The following ZNF407 variants were observed in gnomAD, a reference collection of about 807,000 sequenced individuals.
ZNF407 encodes zinc finger protein 407.
Under a neutral mutation model 131.2 loss-of-function variants are expected in ZNF407, and 17 were observed. The observed-to-expected ratio is 0.13, with a 90% CI of 0.09 to 0.19. ZNF407 has a LOEUF of 0.19. Among genes scored for constraint, ZNF407 ranks in the 10% least tolerant of loss-of-function variants. The pLI is 1.00. For synonymous variants in ZNF407, 1,156 were observed against 1,062.0 expected, an observed-to-expected ratio of 1.09 and a Z score of -1.72; for missense variants, 2,681 against 2,830.6, an observed-to-expected ratio of 0.95 and a Z score of 1.20.
At chr18:74,808,404 A>T (rs1048359528) in intron 4 of ZNF407, among the ~76,000 whole-genome samples, 3 of 152,348 alleles carry the variant, frequency 2.0e-5, no homozygotes, top group African/African-American at 2.4e-5. Flanking sequence ...ATTACTATTA[A>T]AACGATTGAA....
At chr18:74,661,374 AAAT>A (rs1172163942) in intron 3 of ZNF407, among the ~76,000 whole-genome samples, 8 of 147,912 alleles carry the variant, frequency 5.4e-5, no homozygotes, top group African/African-American at 2.0e-4. Flanking sequence ...CTGAATAATA[AAAT>A]AATTATATAT....
chr18:74,764,839 C>CT (rs373387776), intron 3 of ZNF407, among the ~76,000 whole-genome samples: 218 of 152,256 alleles, frequency 1.4e-3, no homozygotes, highest in African/African-American at 5.1e-3. Context: ...TTACTCTATT[C>CT]TTTAAGCTTG....
intron 1 of ZNF407, among the ~76,000 whole-genome samples, chr18:74,615,896 T>G (rs1174481827): frequency 1.3e-5 from 2 of 152,014 alleles, no homozygotes; most frequent in African/African-American, 4.8e-5. Context: ...GGAGTTTCAT[T>G]CTTTTTGTCC....
At chr18:75,012,734 T>C (rs1156873285) in intron 8 of ZNF407, among the ~76,000 whole-genome samples, 3 of 151,980 alleles carry the variant, frequency 2.0e-5, no homozygotes, top group African/African-American at 7.2e-5. Context: ...GGCAATTCCA[T>C]TTTTTGTAGA....
intron 8 of ZNF407, among the ~76,000 whole-genome samples, chr18:75,035,546 A>T (rs1178544272): frequency 2.0e-5 from 3 of 152,228 alleles, no homozygotes; most frequent in Non-Finnish European, 4.4e-5. Flanking sequence ...TATATTACTA[A>T]TCACATCCAA....
chr18:74,880,810 T>TG (rs1342072077), intron 5 of ZNF407, among the ~76,000 whole-genome samples: 3 of 152,192 alleles, frequency 2.0e-5, no homozygotes, highest in East Asian at 3.8e-4. Flanking sequence ...ACCATTCCAT[T>TG]GATAATAAAG....
At chr18:74,760,146 A>C (rs1416282669) in intron 3 of ZNF407, among the ~76,000 whole-genome samples, 1 of 152,060 alleles carries the variant, frequency 6.6e-6, no homozygotes, top group Non-Finnish European at 1.5e-5. Flanking sequence ...ATTCTTTGTC[A>C]TGTGTGGCGA....
chr18:74,889,262 C>T (rs1269872886), intron 6 of ZNF407, among the ~76,000 whole-genome samples: 1 of 135,038 alleles, frequency 7.4e-6, no homozygotes, highest in Non-Finnish European at 1.6e-5. Flanking sequence ...TGCCATTAAG[C>T]ACTGCGTAGC....
intron 4 of ZNF407, among the ~76,000 whole-genome samples, chr18:74,866,835 C>T (rs1318673118): frequency 2.1e-5 from 3 of 144,364 alleles, no homozygotes; most frequent in South Asian, 4.5e-4. Flanking sequence ...TTATTTTATT[C>T]ATTTATTATT....
intron 8 of ZNF407, among the ~76,000 whole-genome samples, chr18:74,930,324 G>A (rs1971967929): frequency 6.6e-6 from 1 of 152,246 alleles, no homozygotes; most frequent in African/African-American, 2.4e-5. Flanking sequence ...CCTGGTGACT[G>A]AGGACGTCCG....
intron 3 of ZNF407, among the ~76,000 whole-genome samples, chr18:74,767,649 C>CTTTTTTT (rs71905017): frequency 1.2e-5 from 1 of 84,418 alleles, no homozygotes; most frequent in African/African-American, 4.9e-5. Flanking sequence ...TCTGAATTCT[C>CTTTTTTT]TTTTTTTTTT....
In ZNF407 at chr18:75,006,726, A is replaced by G. The variant is rs139095394; in HGVS notation, c.5429-56424A>G. Among the ~76,000 whole-genome samples the G allele has an allele frequency of 2.1e-4, 32 of 152,262 alleles. 1 individual carries two copies. The highest frequency in any genetic ancestry group is 7.0e-4 in the African/African-American group (29 of 41,564). On this transcript the variant is annotated intron_variant, in intron 8 of 8. Coordinates refer to ENST00000299687, the MANE Select transcript of ZNF407 (RefSeq NM_017757.3). ...TGGGCTTCCATAGATTAAGCTTATT[A>G]ATTGTGTCTTGCAATCATCTATATC...
intron 4 of ZNF407, among the ~76,000 whole-genome samples, chr18:74,865,042 T>C (rs1043699759): frequency 7.2e-5 from 11 of 152,198 alleles, no homozygotes; most frequent in Admixed American, 3.9e-4. Flanking sequence ...CCTGCATCTG[T>C]GAATACTTGA....
chr18:74,915,303 AAG>A lies in ZNF407; in HGVS notation c.5250-5208_5250-5207del, dbSNP rs568279142. Among the ~76,000 whole-genome samples, 8 of 150,760 alleles carry A rather than the reference AAG, an allele frequency of 5.3e-5. No individual in the cohort carries two copies. In the East Asian group the frequency reaches 1.4e-3, roughly 26 times the overall value. Reference sequence around the variant, plus strand: ...GGTATCTGCTGTGCAGTGATTAGTAAAGAGTGTTCGAATCGGGAGTGTGTGTG... The same window carrying A: ...GGTATCTGCTGTGCAGTGATTAGTAAAGTGTTCGAATCGGGAGTGTGTGTG... On this transcript the variant is annotated intron_variant, in intron 7 of 8. Coordinates refer to ENST00000299687, the MANE Select transcript of ZNF407 (RefSeq NM_017757.3).
At chr18:74,701,263 A>G (rs1967487586) in intron 3 of ZNF407, among the ~76,000 whole-genome samples, 1 of 152,170 alleles carries the variant, frequency 6.6e-6, no homozygotes, top group Non-Finnish European at 1.5e-5. Flanking sequence ...ACAGTAGGCA[A>G]TTATCACCTG....
At chr18:74,745,807 T>G (rs182540884) in intron 3 of ZNF407, among the ~76,000 whole-genome samples, 1 of 152,280 alleles carries the variant, frequency 6.6e-6, no homozygotes, top group East Asian at 1.9e-4. Context: ...GGATGTCTGT[T>G]GTAGCGTCTA....
At chr18:75,055,587 T>C (rs1973552734) in intron 8 of ZNF407, among the ~76,000 whole-genome samples, 1 of 152,198 alleles carries the variant, frequency 6.6e-6, no homozygotes, top group Non-Finnish European at 1.5e-5. Context: ...AAAGGTAAAA[T>C]ATTGTCTTTT....
chr18:75,002,100 A>G (rs374270639), intron 8 of ZNF407, among the ~76,000 whole-genome samples: 113 of 152,350 alleles, frequency 7.4e-4, no homozygotes, highest in African/African-American at 2.6e-3. Flanking sequence ...CTGGCCAGCC[A>G]TGTGAGCGCA....
At chr18:74,812,781 C>T (rs191234126) in intron 4 of ZNF407, among the ~76,000 whole-genome samples, 2 of 152,226 alleles carry the variant, frequency 1.3e-5, no homozygotes, top group East Asian at 1.9e-4. Flanking sequence ...TGTTCCTTCT[C>T]CTTACTCTTT....
Sources: allele counts gnomAD v4.1 joint callset (sites outside exome capture counted in the v4.1 genomes callset), GRCh38; gene constraint gnomAD v4.1.1; transcripts MANE v1.5; gene names NCBI Gene and HGNC (gene_info 2026-07-23, HGNC 2026-07-21).